GRID2: variants seen among roughly 807,000 people sequenced by gnomAD.
GRID2 encodes glutamate ionotropic receptor delta type subunit 2, also known as glutamate receptor ionotropic, delta-2.
A neutral mutation model predicts 114.8 loss-of-function variants in GRID2; 33 were observed. That is an observed-to-expected ratio of 0.29 (90% confidence interval 0.22 to 0.38). The LOEUF (loss-of-function observed/expected upper bound fraction) is 0.38. GRID2 is among the 10% of genes least tolerant of loss of function. GRID2 has a pLI of 1.00. For missense variants in GRID2, 1,184 were observed against 1,257.7 expected, an observed-to-expected ratio of 0.94 and a Z score of 0.89; for synonymous variants, 505 against 449.9, an observed-to-expected ratio of 1.12 and a Z score of -1.55.
At position 92,364,282 on chromosome 4, in the gene GRID2, G is replaced by T. The variant is rs562189259; in HGVS notation, c.88+59538G>T. Among the ~76,000 whole-genome samples, 4 of 152,134 alleles carry T rather than the reference G, an allele frequency of 2.6e-5. No homozygotes were observed. In the South Asian group the frequency reaches 8.3e-4, roughly 32 times the overall value. Reference sequence around the variant, plus strand: ...AAGAACTAAGAAAGGAAGGGAGGAAGAAATAAACAGGTTTCTGTTATGCAA... The same window carrying T: ...AAGAACTAAGAAAGGAAGGGAGGAATAAATAAACAGGTTTCTGTTATGCAA... On this transcript the variant is annotated intron_variant, in intron 1 of 15. Transcript: ENST00000282020.
At chr4:92,869,985 A>G (rs924494903) in intron 2 of GRID2, among the ~76,000 whole-genome samples, 1 of 151,958 alleles carries the variant, frequency 6.6e-6, no homozygotes, top group African/African-American at 2.4e-5. Flanking sequence ...GAGGCCAGGA[A>G]TTCAAGACCA....
intron 1 of GRID2, among the ~76,000 whole-genome samples, chr4:92,427,691 G>A (rs1732226415): frequency 6.6e-6 from 1 of 152,104 alleles, no homozygotes; most frequent in South Asian, 2.1e-4. Context: ...AACAAATAGA[G>A]CGAATAGACC....
chr4:93,770,138 T>C (rs1733993250), intron 15 of GRID2, among the ~76,000 whole-genome samples: 1 of 152,316 alleles, frequency 6.6e-6, no homozygotes, highest in Admixed American at 6.5e-5. Context: ...CATCAAGAAG[T>C]ATGAGACTTA....
At chr4:92,625,110 G>A (rs1358724817) in intron 2 of GRID2, among the ~76,000 whole-genome samples, 1 of 151,640 alleles carries the variant, frequency 6.6e-6, no homozygotes, top group Non-Finnish European at 1.5e-5. Flanking sequence ...TCATTTAGGA[G>A]AGAAATATTC....
chr4:92,368,325 A>G (rs1306014347), intron 1 of GRID2, among the ~76,000 whole-genome samples: 1 of 152,112 alleles, frequency 6.6e-6, no homozygotes, highest in African/African-American at 2.4e-5. Flanking sequence ...GGAGTGAAAC[A>G]GGTGAGGCAT....
At position 92,877,973 on chromosome 4, in the gene GRID2, A is replaced by G. The variant is rs562129485; in HGVS notation, c.245-207022A>G. 2.0e-5 allele frequency among the ~76,000 whole-genome samples: 3 copies of G among 152,272 alleles called. No homozygotes were observed. In the South Asian group the frequency reaches 6.2e-4, roughly 32 times the overall value. On this transcript the variant is annotated intron_variant, in intron 2 of 15. Coordinates refer to ENST00000282020, the MANE Select transcript of GRID2 (RefSeq NM_001510.4). ...GTCTGGTGTTTCTTGCTCCCCAGGT[A>G]TTTCTAAACATTTCAATAGCTTTGC...
At chr4:92,965,450 T>TAAAAAAAAAAAAAAAAAAAAAAAAAAAAA (rs869285420) in intron 2 of GRID2, among the ~76,000 whole-genome samples, 9 of 85,758 alleles carry the variant, frequency 1.0e-4, no homozygotes, top group Admixed American at 3.2e-4. Flanking sequence ...ATTCAATTTG[T>TAAAAAAAAAAAAAAAAAAAAAAAAAAAAA]AAAAAAAAAA....
intron 8 of GRID2, among the ~76,000 whole-genome samples, chr4:93,259,913 C>T (rs898835423): frequency 2.6e-5 from 4 of 151,694 alleles, no homozygotes; most frequent in Non-Finnish European, 4.4e-5. Context: ...GTAAAGCACA[C>T]TTAAATGAGT....
chr4:92,719,482 A>C (rs1036241611), intron 2 of GRID2, among the ~76,000 whole-genome samples: 1 of 152,146 alleles, frequency 6.6e-6, no homozygotes, highest in African/African-American at 2.4e-5. Context: ...CTTTATTTGA[A>C]GGTACATTAT....
intron 2 of GRID2, among the ~76,000 whole-genome samples, chr4:92,847,758 A>G (rs1743444093): frequency 6.6e-6 from 1 of 152,070 alleles, no homozygotes. Context: ...GGAATCAAAT[A>G]AAATAATCTG....
chr4:92,530,126 G>T (rs181861888), intron 1 of GRID2, among the ~76,000 whole-genome samples: 65 of 151,938 alleles, frequency 4.3e-4, no homozygotes, highest in East Asian at 2.3e-3. Flanking sequence ...TGCAGGGAAA[G>T]TTCCTTGTTT....
chr4:92,310,910 G>T (rs555530882), intron 1 of GRID2, among the ~76,000 whole-genome samples: 42 of 152,136 alleles, frequency 2.8e-4, no homozygotes, highest in Admixed American at 2.0e-3. Flanking sequence ...TAAGGAACAT[G>T]AAATCTTAAT....
In GRID2 at chr4:92,769,468, T is replaced by C. The variant is rs192870323; in HGVS notation, c.244+179182T>C. Among the ~76,000 whole-genome samples the C allele has an allele frequency of 4.8e-3, 735 of 152,252 alleles. 10 individuals carry two copies. The highest frequency in any genetic ancestry group is 0.017 in the African/African-American group (696 of 41,558). On this transcript the variant is annotated intron_variant, in intron 2 of 15. Transcript: ENST00000282020. Reference sequence around the variant, plus strand: ...GCCCTCTTCTTCCAGCTGCACTAGGTGGTGCCCCAGTGGGGACTCTGTATG... The same window carrying C: ...GCCCTCTTCTTCCAGCTGCACTAGGCGGTGCCCCAGTGGGGACTCTGTATG...
chr4:92,728,592 CAG>C (rs1277826670), intron 2 of GRID2, among the ~76,000 whole-genome samples: 32 of 152,018 alleles, frequency 2.1e-4, no homozygotes, highest in African/African-American at 7.0e-4. Context: ...CACAGTCTTT[CAG>C]TAAACTACTC....
At chr4:92,394,560 A>C (rs1248428392) in intron 1 of GRID2, among the ~76,000 whole-genome samples, 1 of 152,128 alleles carries the variant, frequency 6.6e-6, no homozygotes, top group Admixed American at 6.6e-5. Context: ...GAAGAATGTA[A>C]GTAGTTGGGT....
chr4:93,110,316 T>G (rs1732647281), intron 3 of GRID2, among the ~76,000 whole-genome samples: 1 of 152,174 alleles, frequency 6.6e-6, no homozygotes, highest in African/African-American at 2.4e-5. Context: ...TAAGAAACAT[T>G]CATAATCTTG....
intron 8 of GRID2, among the ~76,000 whole-genome samples, chr4:93,379,791 T>A (rs1481833719): frequency 2.6e-5 from 4 of 152,084 alleles, no homozygotes; most frequent in Non-Finnish European, 5.9e-5. Flanking sequence ...GAGATACTTA[T>A]TTGAGAGATG....
chr4:92,450,345 C>T (rs1380265629), intron 1 of GRID2, among the ~76,000 whole-genome samples: 1 of 151,926 alleles, frequency 6.6e-6, no homozygotes, highest in Non-Finnish European at 1.5e-5. Flanking sequence ...TGCCAAAAGT[C>T]TTGCTTAGGG....
chr4:93,577,200 G>A (rs1736507058), intron 13 of GRID2, among the ~76,000 whole-genome samples: 1 of 152,134 alleles, frequency 6.6e-6, no homozygotes, highest in Admixed American at 6.5e-5. Context: ...AGCCCAGTGT[G>A]GCAGACAGAA....
Sources: allele counts gnomAD v4.1 joint callset (sites outside exome capture counted in the v4.1 genomes callset), GRCh38; gene constraint gnomAD v4.1.1; transcripts MANE v1.5; gene names NCBI Gene and HGNC (gene_info 2026-07-23, HGNC 2026-07-21).